The following DOCK10 variants were observed in gnomAD, a reference collection of about 807,000 sequenced individuals.
DOCK10 encodes the protein dedicator of cytokinesis protein 10.
A neutral mutation model predicts 280.1 loss-of-function variants in DOCK10; 145 were observed. That is an observed-to-expected ratio of 0.52 (90% CI 0.45 to 0.59). The LOEUF is 0.59. DOCK10 is among the 20% of genes least tolerant of loss of function. The pLI, the probability that DOCK10 is intolerant of heterozygous loss-of-function variation, is 0.00. For missense variants in DOCK10, 2,368 were observed against 2,651.7 expected, an observed-to-expected ratio of 0.89 and a Z score of 2.35; for synonymous variants, 915 against 942.2, an observed-to-expected ratio of 0.97 and a Z score of 0.53.
chr2:225,017,142 C>T (rs947775675), intron 1 of DOCK10, among the ~76,000 whole-genome samples: 4 of 148,786 alleles, frequency 2.7e-5, no homozygotes, highest in African/African-American at 7.4e-5. Flanking sequence ...AGAGGATTTC[C>T]TAATCTGATC....
intron 11 of DOCK10, among the ~76,000 whole-genome samples, chr2:224,868,092 A>G (rs1230122098): frequency 6.6e-6 from 1 of 152,194 alleles, no homozygotes; most frequent in African/African-American, 2.4e-5. Flanking sequence ...GAAGAAAATC[A>G]GAACAGGATT....
intron 4 of DOCK10, among the ~76,000 whole-genome samples, chr2:224,891,418 T>C (rs1213125405): frequency 6.6e-6 from 1 of 152,228 alleles, no homozygotes; most frequent in Admixed American, 6.5e-5. Context: ...TTTTCCCTGA[T>C]ATTTTTGAAG....
At chr2:224,976,120 C>T (rs548050272) in intron 1 of DOCK10, among the ~76,000 whole-genome samples, 5 of 151,826 alleles carry the variant, frequency 3.3e-5, no homozygotes, top group African/African-American at 9.7e-5. Flanking sequence ...TGTGATTCTA[C>T]GAAAGTCACA....
At chr2:224,798,882 C>T (rs1692773476) in intron 41 of DOCK10, among the ~76,000 whole-genome samples, 1 of 152,198 alleles carries the variant, frequency 6.6e-6, no homozygotes, top group Non-Finnish European at 1.5e-5. Flanking sequence ...GATCCTCCCT[C>T]CTTGGCCTCC....
At chr2:224,798,993 GT>G (rs1429473621) in intron 41 of DOCK10, among the ~76,000 whole-genome samples, 1 of 152,072 alleles carries the variant, frequency 6.6e-6, no homozygotes, top group African/African-American at 2.4e-5. Flanking sequence ...AGCTGCAAAT[GT>G]TTTTAATAGT....
chr2:224,799,071 C>T (rs1692796207), intron 41 of DOCK10, among the ~76,000 whole-genome samples: 1 of 152,200 alleles, frequency 6.6e-6, no homozygotes, highest in South Asian at 2.1e-4. Context: ...AAGTTTAACA[C>T]TGTCATACAC....
In DOCK10 at chr2:225,042,385, G is replaced by T; in HGVS notation, c.-11C>A. 8.1e-7 allele frequency: 1 copy of T among 1,230,810 alleles called. No homozygotes were observed. The highest frequency in any genetic ancestry group is 1.0e-6 in the Non-Finnish European group (1 of 986,462). 76.2% of individuals were successfully genotyped at this position (1,230,810 alleles called of 1,614,324 possible). ...CCGCTCACCGGCCATCGCCGGTCAC[G>T]CCAATCGCGCCGCGGGCCCGGGGCG... is the stretch of plus-strand genomic sequence containing the variant. On this transcript the variant is annotated 5_prime_UTR_variant, in exon 1 of 56. Transcript: ENST00000258390. The surrounding 1 kb of genome is among the most constrained non-coding windows in gnomAD (Gnocchi z 5.1).
At chr2:224,782,343 C>T (rs143828327) in intron 50 of DOCK10, among the ~76,000 whole-genome samples, 1 of 152,108 alleles carries the variant, frequency 6.6e-6, no homozygotes, top group Non-Finnish European at 1.5e-5. Flanking sequence ...TAAAATTCTT[C>T]CAGGTCTTTT....
chr2:224,986,242 A>G (rs1394147831), intron 1 of DOCK10, among the ~76,000 whole-genome samples: 1 of 152,170 alleles, frequency 6.6e-6, no homozygotes, highest in Non-Finnish European at 1.5e-5. Context: ...GCTTAGATAA[A>G]ATATTTGAGA....
chr2:225,042,346 G>A lies in DOCK10; in HGVS notation c.29C>T (p.Thr10Ile). Reference sequence around the variant, plus strand: ...CTGCCCAGGTCTCAACAGGCTCCGGGTGAACCTGCGGGTCCGCTCACCGGC... The same window carrying A: ...CTGCCCAGGTCTCAACAGGCTCCGGATGAACCTGCGGGTCCGCTCACCGGC... Reference protein sequence around the residue: MAGERTRRFTRSLLRPGQAA... With the variant: MAGERTRRFIRSLLRPGQAA... Residue 10 changes from threonine (T) to isoleucine (I), a missense_variant, in exon 1 of 56, where the codon ACC becomes ATC. By Grantham distance (89) the Thr-to-Ile change is moderately conservative. This residue lies in a region of DOCK10 where 1,209 missense variants were observed against 1,250.9 expected (regional missense o/e 0.97). Coordinates refer to ENST00000258390, the MANE Select transcript of DOCK10 (RefSeq NM_014689.3). The surrounding 1 kb of genome is among the most constrained non-coding windows in gnomAD (Gnocchi z 5.1). 1 of 1,310,338 alleles carries A rather than the reference G, an allele frequency of 7.6e-7. No homozygotes were observed. The allele number at this position is 1,310,338 out of a possible 1,614,324, so 81.2% of individuals were successfully genotyped here. A position where few individuals can be genotyped will look rare whatever the true frequency, so the allele number is the denominator to read the frequency against.
chr2:224,813,868 C>T (rs1693950607), intron 31 of DOCK10, among the ~76,000 whole-genome samples: 1 of 152,190 alleles, frequency 6.6e-6, no homozygotes. Flanking sequence ...TCTATGACTA[C>T]AGAAAAGGTT....
intron 1 of DOCK10, among the ~76,000 whole-genome samples, chr2:224,962,541 TCTC>T (rs1704508945): frequency 6.6e-6 from 1 of 152,200 alleles, no homozygotes; most frequent in Non-Finnish European, 1.5e-5. Flanking sequence ...AGTACTCACA[TCTC>T]CTACTTGCAT....
intron 1 of DOCK10, among the ~76,000 whole-genome samples, chr2:225,002,453 G>C (rs1284080438): frequency 6.6e-6 from 1 of 152,216 alleles, no homozygotes; most frequent in Non-Finnish European, 1.5e-5. Context: ...AGTTTACATA[G>C]ATGTAAGCCT....
At chr2:224,835,686 G>A (rs888375087) in intron 25 of DOCK10, among the ~76,000 whole-genome samples, 1 of 152,188 alleles carries the variant, frequency 6.6e-6, no homozygotes, top group African/African-American at 2.4e-5. Flanking sequence ...CTTAAGTCTA[G>A]AATTGACTAG....
At chr2:224,921,439 T>C (rs1361486020) in intron 2 of DOCK10, among the ~76,000 whole-genome samples, 3 of 151,752 alleles carry the variant, frequency 2.0e-5, no homozygotes, top group African/African-American at 4.8e-5. Flanking sequence ...GGCTACTAGA[T>C]TAGTAATGTC....
chr2:225,016,810 C>T (rs943597571), intron 1 of DOCK10, among the ~76,000 whole-genome samples: 3 of 151,626 alleles, frequency 2.0e-5, no homozygotes, highest in Admixed American at 6.6e-5. Context: ...TCAAGCGATT[C>T]TCTTGCCTTG....
intron 31 of DOCK10, 41 bp from the exon 32 acceptor site, chr2:224,808,127 A>C: frequency 6.4e-7 from 1 of 1,557,256 alleles, no homozygotes. Flanking sequence ...TTGAAAATCA[A>C]ATGATCACTT....
chr2:224,854,862 ACC>A (rs1697000058), intron 16 of DOCK10, 99 bp downstream of exon 16: 5 of 388,552 alleles, frequency 1.3e-5, no homozygotes, highest in Non-Finnish European at 1.6e-5. Flanking sequence ...TAGCCAACCA[ACC>A]AACCAACCAA....
intron 3 of DOCK10, among the ~76,000 whole-genome samples, chr2:224,907,635 C>G (rs1700731220): frequency 1.3e-5 from 2 of 149,012 alleles, no homozygotes; most frequent in African/African-American, 5.0e-5. Context: ...TTGCAGAGAG[C>G]TGAGATTGCG....
Sources: gnomAD v4.1 joint callset for allele counts (sites outside exome capture counted in the v4.1 genomes callset) on GRCh38, gnomAD v4.1.1 for gene constraint, gnomAD v4.1.1 regional missense constraint, Gnocchi (gnomAD v3.1) non-coding constraint, MANE v1.5 for transcripts, NCBI Gene and HGNC (gene_info 2026-07-23, HGNC 2026-07-21) for gene names.